TNFSF4: variants seen among roughly 807,000 people sequenced by gnomAD.
TNFSF4 encodes the protein TNF superfamily member 4, also known as tumor necrosis factor ligand superfamily member 4.
A neutral mutation model predicts 7.3 loss-of-function variants in TNFSF4; 4 were observed. That is an observed-to-expected ratio of 0.55 (90% confidence interval 0.27 to 1.25). The LOEUF is 1.25. Among genes scored for constraint, TNFSF4 ranks in the 50% most tolerant of loss-of-function variants. The probability of loss-of-function intolerance (pLI) is 0.12; values close to 1 mark genes in which losing one functional copy is unlikely to be tolerated. For missense variants in TNFSF4, 181 were observed against 208.8 expected, an observed-to-expected ratio of 0.87 and a Z score of 0.82; for synonymous variants, 76 against 83.7, an observed-to-expected ratio of 0.91 and a Z score of 0.50.
chr1:173,371,436 C>T, the TNFSF4 span, among the ~76,000 whole-genome samples: 1 of 152,090 alleles, frequency 6.6e-6, no homozygotes, highest in East Asian at 1.9e-4. Flanking sequence ...AGGGAATCAA[C>T]CCTGAAGTCT....
chr1:173,288,965 C>A, the TNFSF4 span, among the ~76,000 whole-genome samples: 3 of 151,898 alleles, frequency 2.0e-5, no homozygotes. Flanking sequence ...AACTAAGAGA[C>A]CCCTATGCCT....
the TNFSF4 span, among the ~76,000 whole-genome samples, chr1:173,306,467 G>T: frequency 6.6e-6 from 1 of 151,882 alleles, no homozygotes; most frequent in Non-Finnish European, 1.5e-5. Flanking sequence ...GGTAAGCAAA[G>T]GTAATATTTC....
chr1:173,224,559 A>C, the TNFSF4 span, among the ~76,000 whole-genome samples: 1 of 152,212 alleles, frequency 6.6e-6, no homozygotes, highest in East Asian at 1.9e-4. Flanking sequence ...CTTGCTGAGC[A>C]CTGCATGTGG....
At chr1:173,332,779 C>T in the TNFSF4 span, among the ~76,000 whole-genome samples, 9 of 150,046 alleles carry the variant, frequency 6.0e-5, no homozygotes, top group African/African-American at 1.7e-4. Context: ...CACTTGAACC[C>T]GGGAGGCAGT....
the TNFSF4 span, among the ~76,000 whole-genome samples, chr1:173,358,844 T>C: frequency 6.6e-6 from 1 of 152,248 alleles, no homozygotes; most frequent in Non-Finnish European, 1.5e-5. Flanking sequence ...TACAAGGCAC[T>C]AGTTGCAGGC....
At chr1:173,189,655 T>TG (rs879423716) in intron 1 of TNFSF4, among the ~76,000 whole-genome samples, 131 of 151,040 alleles carry the variant, frequency 8.7e-4, no homozygotes, top group South Asian at 1.7e-3. Context: ...AAAAAAAAGT[T>TG]GGGGGGGGTG....
the TNFSF4 span, among the ~76,000 whole-genome samples, chr1:173,396,380 C>A: frequency 6.6e-6 from 1 of 152,036 alleles, no homozygotes; most frequent in East Asian, 1.9e-4. Flanking sequence ...CATGATGATG[C>A]ACACCTGTGG....
the TNFSF4 span, among the ~76,000 whole-genome samples, chr1:173,262,216 C>G: frequency 4.6e-5 from 7 of 152,248 alleles, no homozygotes; most frequent in South Asian, 6.2e-4. Context: ...ATAAACAGAA[C>G]CAATGACAAA....
chr1:173,226,785 A>T, the TNFSF4 span, among the ~76,000 whole-genome samples: 1 of 152,196 alleles, frequency 6.6e-6, no homozygotes, highest in African/African-American at 2.4e-5. Context: ...AAAAGCTTTA[A>T]GTGCAATTTA....
chr1:173,389,842 T>C, the TNFSF4 span, among the ~76,000 whole-genome samples: 1 of 152,172 alleles, frequency 6.6e-6, no homozygotes, highest in African/African-American at 2.4e-5. Context: ...GAAGTTCTAT[T>C]TGATTCTTTT....
At chr1:173,235,369 CA>C in the TNFSF4 span, among the ~76,000 whole-genome samples, 23 of 152,314 alleles carry the variant, frequency 1.5e-4, 1 homozygote, top group Non-Finnish European at 5.9e-5. Flanking sequence ...CAGGCCACCA[CA>C]CATGAGCTGA....
At chr1:173,386,069 A>G in the TNFSF4 span, among the ~76,000 whole-genome samples, 3 of 152,288 alleles carry the variant, frequency 2.0e-5, no homozygotes, top group Non-Finnish European at 4.4e-5. Context: ...GAGATCTTCA[A>G]AGCTGCCATT....
the TNFSF4 span, among the ~76,000 whole-genome samples, chr1:173,341,143 GCTGTA>G: frequency 6.6e-6 from 1 of 152,158 alleles, no homozygotes; most frequent in Non-Finnish European, 1.5e-5. Flanking sequence ...CCCCAGCCAT[GCTGTA>G]CTGTGAGTCA....
the TNFSF4 span, among the ~76,000 whole-genome samples, chr1:173,298,458 G>C: frequency 2.8e-4 from 43 of 152,040 alleles, no homozygotes; most frequent in South Asian, 5.0e-3. Flanking sequence ...GCCTGAGTTA[G>C]AGTGGTGAAG....
chr1:173,316,637 C>T, the TNFSF4 span, among the ~76,000 whole-genome samples: 3 of 151,866 alleles, frequency 2.0e-5, no homozygotes, highest in Admixed American at 6.6e-5. Flanking sequence ...GGCCATTTTC[C>T]CCCAATCCAT....
At chr1:173,313,736 T>A in the TNFSF4 span, among the ~76,000 whole-genome samples, 1 of 152,100 alleles carries the variant, frequency 6.6e-6, no homozygotes, top group Non-Finnish European at 1.5e-5. Context: ...TCATGGAAAG[T>A]GTATCTTCTC....
the TNFSF4 span, among the ~76,000 whole-genome samples, chr1:173,314,575 G>C: frequency 0.017 from 2,576 of 152,160 alleles, 75 homozygotes; most frequent in African/African-American, 0.059. Flanking sequence ...TGCATCACTG[G>C]AATTTGAGCT....
At position 173,188,689 on chromosome 1, in the gene TNFSF4, C is replaced by A. The variant is rs1415391443; in HGVS notation, c.154-120G>T. The A allele has an allele frequency of 3.6e-6, 3 of 839,094 alleles. No homozygotes were observed. The African/African-American group carries it at 5.2e-5, about 14-fold the overall frequency. The allele number at this position is 839,094 out of a possible 1,614,324, so 52.0% of individuals were successfully genotyped here. On this transcript the variant is annotated intron_variant, in intron 1 of 2. Coordinates refer to ENST00000281834, the MANE Select transcript of TNFSF4 (RefSeq NM_003326.5). Reference sequence around the variant, plus strand: ...TAGCCTGTAGAGAAAACAAAAACAACAGAAGACTTGACTTTTTTGTTGTTG... The same window carrying A: ...TAGCCTGTAGAGAAAACAAAAACAAAAGAAGACTTGACTTTTTTGTTGTTG...
the TNFSF4 span, among the ~76,000 whole-genome samples, chr1:173,227,580 ACAGTGGGTGCAGAG>A: frequency 6.4e-4 from 97 of 152,206 alleles, 2 homozygotes; most frequent in East Asian, 1.7e-3. Flanking sequence ...TGGGTGCAGC[ACAGTGGGTGCAGAG>A]CAGTGGGTGC....
Sources: allele counts gnomAD v4.1 joint callset (sites outside exome capture counted in the v4.1 genomes callset), GRCh38; gene constraint gnomAD v4.1.1; transcripts MANE v1.5; gene names NCBI Gene and HGNC (gene_info 2026-07-23, HGNC 2026-07-21).